The following WWOX variants were observed in gnomAD, a reference collection of about 807,000 sequenced individuals.
WWOX encodes the protein WW domain-containing oxidoreductase.
WWOX carries 69 observed loss-of-function variants against 46.2 expected under a neutral mutation model. That is an observed-to-expected ratio of 1.49 (90% CI 1.23 to 1.82). The LOEUF is 1.82. Among genes scored for constraint, WWOX ranks in the 40% most tolerant of loss-of-function variants. WWOX has a pLI of 0.00. For synonymous variants in WWOX, 359 were observed against 202.6 expected, an observed-to-expected ratio of 1.77 and a Z score of -6.56; for missense variants, 919 against 542.6, an observed-to-expected ratio of 1.69 and a Z score of -6.89.
intron 1 of WWOX, among the ~76,000 whole-genome samples, chr16:78,104,739 A>G (rs1233477780): frequency 6.6e-6 from 1 of 152,226 alleles, no homozygotes; most frequent in African/African-American, 2.4e-5. Flanking sequence ...ATTTAAGGTT[A>G]TAATTAAAAA....
At chr16:78,298,118 A>G (rs1016448234) in intron 5 of WWOX, among the ~76,000 whole-genome samples, 5 of 152,106 alleles carry the variant, frequency 3.3e-5, no homozygotes, top group African/African-American at 9.7e-5. Context: ...TCCTTCCATC[A>G]TGAATGTAAG....
At chr16:78,253,319 C>G (rs2038035348) in intron 5 of WWOX, among the ~76,000 whole-genome samples, 1 of 152,194 alleles carries the variant, frequency 6.6e-6, no homozygotes, top group Admixed American at 6.5e-5. Context: ...ATAACCATAT[C>G]TAATACATAT....
chr16:78,775,470 T>G (rs1367487902), intron 8 of WWOX, among the ~76,000 whole-genome samples: 5 of 152,182 alleles, frequency 3.3e-5, no homozygotes, highest in Non-Finnish European at 5.9e-5. Flanking sequence ...GACTCATTTC[T>G]CATCTCTTGT....
intron 8 of WWOX, among the ~76,000 whole-genome samples, chr16:79,164,488 G>T (rs2050552352): frequency 1.4e-5 from 2 of 144,436 alleles, no homozygotes; most frequent in South Asian, 4.2e-4. Context: ...AGGCAGGGAT[G>T]GGGGGATGGG....
chr16:78,663,916 T>G (rs1353478875), intron 8 of WWOX, among the ~76,000 whole-genome samples: 1 of 152,178 alleles, frequency 6.6e-6, no homozygotes, highest in Non-Finnish European at 1.5e-5. Flanking sequence ...CCAACAGGGA[T>G]AATAGACAAC....
chr16:78,756,879 C>A, intron 8 of WWOX: 1 of 702,278 alleles, frequency 1.4e-6, no homozygotes, highest in Non-Finnish European at 2.6e-6. Flanking sequence ...ATGTGACTTA[C>A]GAGGCTAGAC....
chr16:78,323,522 T>G (rs1292138052), intron 5 of WWOX, among the ~76,000 whole-genome samples: 1 of 152,154 alleles, frequency 6.6e-6, no homozygotes, highest in Non-Finnish European at 1.5e-5. Context: ...GAGCTCTATT[T>G]AAACTAATAG....
At chr16:79,127,826 G>C (rs149403114) in intron 8 of WWOX, among the ~76,000 whole-genome samples, 1 of 152,228 alleles carries the variant, frequency 6.6e-6, no homozygotes, top group African/African-American at 2.4e-5. Flanking sequence ...GAAGGTGCAA[G>C]TGAATGCTCT....
At chr16:78,417,302 A>G (rs1597201967) in intron 6 of WWOX, among the ~76,000 whole-genome samples, 1 of 152,026 alleles carries the variant, frequency 6.6e-6, no homozygotes. Context: ...TATGTTGTCC[A>G]GGTTGGTCTT....
At chr16:79,091,167 A>G (rs568581304) in intron 8 of WWOX, among the ~76,000 whole-genome samples, 1 of 152,328 alleles carries the variant, frequency 6.6e-6, no homozygotes, top group Middle Eastern at 3.4e-3. Context: ...ACCAGCCACC[A>G]TAACCACATC....
intron 8 of WWOX, among the ~76,000 whole-genome samples, chr16:78,695,519 G>C (rs1044920357): frequency 6.6e-6 from 1 of 152,226 alleles, no homozygotes; most frequent in Non-Finnish European, 1.5e-5. Context: ...CTTCATCAGA[G>C]AGTAGCATGC....
At chr16:78,944,102 T>C (rs2045904127) in intron 8 of WWOX, among the ~76,000 whole-genome samples, 1 of 152,198 alleles carries the variant, frequency 6.6e-6, no homozygotes, top group Non-Finnish European at 1.5e-5. Context: ...TGTTTGTTTG[T>C]TTGGGGGTTT....
chr16:78,370,943 T>C (rs1446309343), intron 5 of WWOX, among the ~76,000 whole-genome samples: 3 of 151,094 alleles, frequency 2.0e-5, no homozygotes, highest in African/African-American at 7.3e-5. Context: ...TAGAGAACGT[T>C]TAGAGGTCAG....
chr16:78,545,043 G>C (rs894816911), intron 8 of WWOX, among the ~76,000 whole-genome samples: 2 of 152,024 alleles, frequency 1.3e-5, no homozygotes, highest in Admixed American at 6.6e-5. Context: ...AAGAGAGAGA[G>C]ATTATTTCTA....
intron 8 of WWOX, among the ~76,000 whole-genome samples, chr16:78,976,972 G>C (rs532198633): frequency 3.9e-5 from 6 of 151,966 alleles, no homozygotes; most frequent in African/African-American, 1.5e-4. Flanking sequence ...TTTTTTGTTC[G>C]TTTTATGTTT....
chr16:79,143,498 C>T (rs986697418), intron 8 of WWOX, among the ~76,000 whole-genome samples: 2 of 152,144 alleles, frequency 1.3e-5, no homozygotes, highest in Non-Finnish European at 2.9e-5. Flanking sequence ...ATTTTACTAG[C>T]TAGGACAAAC....
chr16:79,003,503 T>C (rs1050678026), intron 8 of WWOX, among the ~76,000 whole-genome samples: 2 of 152,206 alleles, frequency 1.3e-5, no homozygotes, highest in Non-Finnish European at 2.9e-5. Flanking sequence ...ATTTTCTGGG[T>C]CAGGACTCTG....
intron 8 of WWOX, among the ~76,000 whole-genome samples, chr16:78,790,731 C>T (rs1220951718): frequency 2.0e-5 from 3 of 152,026 alleles, no homozygotes; most frequent in East Asian, 3.9e-4. Context: ...AGTAACATCT[C>T]ACTGTTGGCT....
intron 5 of WWOX, among the ~76,000 whole-genome samples, chr16:78,298,779 G>A (rs1057389449): frequency 1.5e-5 from 2 of 130,580 alleles, no homozygotes; most frequent in African/African-American, 3.0e-5. Flanking sequence ...CAACAAGAGC[G>A]AAACTCTGTC....
Sources: allele counts gnomAD v4.1 joint callset (sites outside exome capture counted in the v4.1 genomes callset), GRCh38; gene constraint gnomAD v4.1.1; transcripts MANE v1.5; gene names NCBI Gene and HGNC (gene_info 2026-07-23, HGNC 2026-07-21).